The following PHLDB2 variants were observed in gnomAD, a reference collection of about 807,000 sequenced individuals.
PHLDB2 encodes the protein pleckstrin homology-like domain family B member 2.
In PHLDB2, 71 loss-of-function variants were observed where a neutral mutation model predicts 123.6. The observed-to-expected ratio is 0.57, with a 90% CI of 0.47 to 0.70. PHLDB2 has a LOEUF of 0.70. PHLDB2 is among the 30% of genes least tolerant of loss of function. PHLDB2 has a pLI of 0.00. For missense variants in PHLDB2, 1,446 were observed against 1,519.5 expected, an observed-to-expected ratio of 0.95 and a Z score of 0.80; for synonymous variants, 547 against 541.6, an observed-to-expected ratio of 1.01 and a Z score of -0.14.
intron 1 of PHLDB2, among the ~76,000 whole-genome samples, chr3:111,786,012 A>C (rs1374512287): frequency 6.6e-6 from 1 of 152,146 alleles, no homozygotes; most frequent in Non-Finnish European, 1.5e-5. Flanking sequence ...AGCAAATCTT[A>C]CTTAAATAAA....
intron 3 of PHLDB2, 67 bp from the exon 4 acceptor site, chr3:111,919,005 A>G: frequency 6.5e-7 from 1 of 1,548,000 alleles, no homozygotes; most frequent in Non-Finnish European, 8.9e-7. Context: ...TGGATGGTTT[A>G]CAAGTCAAGT....
intron 1 of PHLDB2, among the ~76,000 whole-genome samples, chr3:111,734,073 T>A (rs1941598803): frequency 2.0e-5 from 3 of 152,204 alleles, no homozygotes; most frequent in Admixed American, 2.0e-4. Context: ...GTGGAGGCCA[T>A]TGTAGACATA....
Position 111,949,065 on chromosome 3 carries a change from A to G in PHLDB2, c.2621A>G (p.Gln874Arg). ...ACAGCTGTGCTGGCGAGCCAGCCAC[A>G]GAGTAAAGAGGTGTGTAGGCATGAC... ...PATAVLASQP[Q>R]SKEHFRSLEE... Residue 874 changes from glutamine (Q) to arginine (R), a missense_variant, in exon 10 of 18, where the codon CAG (glutamine) becomes CGG (arginine). Transcript: ENST00000431670. 1 of 1,613,826 alleles carries G rather than the reference A, an allele frequency of 6.2e-7. No individual in the cohort carries two copies. The highest frequency in any genetic ancestry group is 8.5e-7 in the Non-Finnish European group (1 of 1,179,948).
intron 8 of PHLDB2, among the ~76,000 whole-genome samples, 187 bp from the exon 9 acceptor site, chr3:111,945,081 A>C (rs6786655): frequency 0.35 from 52,703 of 152,116 alleles, 9,437 homozygotes; most frequent in East Asian, 0.65. Flanking sequence ...CAACTCATGC[A>C]GCATATCAGC....
intron 8 of PHLDB2, among the ~76,000 whole-genome samples, chr3:111,942,621 G>A (rs1302267133): frequency 6.6e-6 from 1 of 151,984 alleles, no homozygotes; most frequent in African/African-American, 2.4e-5. Flanking sequence ...TTTTGTTGGT[G>A]ATTTGCTGCA....
At chr3:111,847,461 T>C (rs890294041) in intron 2 of PHLDB2, among the ~76,000 whole-genome samples, 4 of 152,150 alleles carry the variant, frequency 2.6e-5, no homozygotes, top group African/African-American at 4.8e-5. Flanking sequence ...TAGGAGCCTA[T>C]TACAATTCCA....
chr3:111,871,170 A>G (rs1029038185), intron 1 of PHLDB2, among the ~76,000 whole-genome samples: 3 of 152,208 alleles, frequency 2.0e-5, no homozygotes, highest in African/African-American at 7.2e-5. Context: ...ATCCTAAGGC[A>G]GTGTCTGTAT....
chr3:111,820,120 G>A (rs367729897), intron 1 of PHLDB2, among the ~76,000 whole-genome samples: 32 of 152,126 alleles, frequency 2.1e-4, no homozygotes, highest in Admixed American at 9.2e-4. Flanking sequence ...ATATTCTTCC[G>A]CCCCTAACTA....
intron 1 of PHLDB2, among the ~76,000 whole-genome samples, chr3:111,839,359 A>G (rs2063565082): frequency 6.6e-6 from 1 of 152,132 alleles, no homozygotes; most frequent in African/African-American, 2.4e-5. Context: ...ATTCTTGTGT[A>G]TTGGTTATCT....
At chr3:111,944,590 C>T (rs2070161057) in intron 8 of PHLDB2, among the ~76,000 whole-genome samples, 3 of 152,040 alleles carry the variant, frequency 2.0e-5, no homozygotes, top group Admixed American at 2.0e-4. Flanking sequence ...TCAACAACAT[C>T]ATGTGATATT....
intron 2 of PHLDB2, among the ~76,000 whole-genome samples, chr3:111,847,231 G>A (rs1284352665): frequency 1.3e-5 from 2 of 152,192 alleles, no homozygotes; most frequent in Non-Finnish European, 2.9e-5. Flanking sequence ...GGAGTGATGA[G>A]ATTAGAGTTT....
intron 5 of PHLDB2, among the ~76,000 whole-genome samples, chr3:111,921,014 C>T (rs935749159): frequency 4.6e-5 from 7 of 152,220 alleles, no homozygotes; most frequent in Non-Finnish European, 1.0e-4. Context: ...ATCTGTGAAA[C>T]ACAGTTGACA....
intron 1 of PHLDB2, among the ~76,000 whole-genome samples, chr3:111,814,647 G>A (rs2061991817): frequency 1.3e-5 from 2 of 149,232 alleles, no homozygotes; most frequent in Non-Finnish European, 3.0e-5. Context: ...AAAAAAAGCA[G>A]AGAGGTGGGG....
chr3:111,919,054 T>A lies in PHLDB2; in HGVS notation c.1720-18T>A. ...AACTGAGGTGTGAATAATCCATTTCTGTGTTGATTAATCGCAGACCCCAGA... is the reference window on the plus strand; with the variant it reads ...AACTGAGGTGTGAATAATCCATTTCAGTGTTGATTAATCGCAGACCCCAGA... On this transcript the variant is annotated intron_variant, in intron 3 of 17. Coordinates refer to ENST00000431670, the MANE Select transcript of PHLDB2 (RefSeq NM_001134438.2). 2 of 1,611,986 alleles carry A rather than the reference T, an allele frequency of 1.2e-6. No individual in the cohort carries two copies. The highest frequency in any genetic ancestry group is 1.7e-6 in the Non-Finnish European group (2 of 1,178,014).
chr3:111,859,522 C>A lies in PHLDB2; in HGVS notation c.-69C>A. ...GGGGGCCCGACGGTGTGGCGTGGCG[C>A]AAGGAGCGCGCCTGCCTTCTCTCGC... On this transcript the variant is annotated 5_prime_UTR_variant, in exon 1 of 18. Coordinates refer to ENST00000431670, the MANE Select transcript of PHLDB2 (RefSeq NM_001134438.2). The A allele has an allele frequency of 3.0e-6, 3 of 985,638 alleles. No individual in the cohort carries two copies. The highest frequency in any genetic ancestry group is 3.6e-6 in the Non-Finnish European group (3 of 830,090). 61.1% of individuals were successfully genotyped at this position (985,638 alleles called of 1,614,324 possible).
intron 2 of PHLDB2, among the ~76,000 whole-genome samples, chr3:111,908,000 GT>G (rs945251172): frequency 3.3e-5 from 5 of 152,074 alleles, no homozygotes; most frequent in African/African-American, 4.8e-5. Flanking sequence ...TTTTGCCATA[GT>G]TTTTATTGAG....
chr3:111,943,028 A>G (rs2070016410), intron 8 of PHLDB2, among the ~76,000 whole-genome samples: 1 of 152,114 alleles, frequency 6.6e-6, no homozygotes. Flanking sequence ...GCAAAATTAT[A>G]TAACATAGTT....
At chr3:111,747,973 A>G (rs747288906) in intron 1 of PHLDB2, among the ~76,000 whole-genome samples, 1 of 152,238 alleles carries the variant, frequency 6.6e-6, no homozygotes, top group Non-Finnish European at 1.5e-5. Context: ...TTCTGGTCCT[A>G]CAGAGCTGGG....
At chr3:111,807,224 G>A (rs1284100179) in intron 1 of PHLDB2, among the ~76,000 whole-genome samples, 1 of 152,092 alleles carries the variant, frequency 6.6e-6, no homozygotes, top group Non-Finnish European at 1.5e-5. Flanking sequence ...GCTCTGTTGT[G>A]AGGAATAAAT....
Sources: gnomAD v4.1 joint callset for allele counts (sites outside exome capture counted in the v4.1 genomes callset) on GRCh38, gnomAD v4.1.1 for gene constraint, MANE v1.5 for transcripts, NCBI Gene and HGNC (gene_info 2026-07-23, HGNC 2026-07-21) for gene names.